CNTN5: variants seen among roughly 807,000 people sequenced by gnomAD.
The protein encoded by CNTN5 is contactin 5.
CNTN5 carries 77 observed loss-of-function variants against 129.1 expected under a neutral mutation model. The observed-to-expected ratio is 0.60, with a 90% confidence interval of 0.50 to 0.72. The LOEUF is 0.72. Among genes scored for constraint, CNTN5 ranks in the 30% least tolerant of loss-of-function variants. The pLI, the probability that CNTN5 is intolerant of heterozygous loss-of-function variation, is 0.00. For synonymous variants in CNTN5, 509 were observed against 465.6 expected (o/e 1.09, Z -1.20); for missense variants, 1,478 against 1,328.8 (o/e 1.11, Z -1.75).
At chr11:100,236,473 G>T (rs954028385) in intron 16 of CNTN5, among the ~76,000 whole-genome samples, 3 of 152,090 alleles carry the variant, frequency 2.0e-5, no homozygotes, top group Non-Finnish European at 4.4e-5. Context: ...TTTTTACATT[G>T]GGGGCATATA....
chr11:99,077,887 G>C (rs1328199013), intron 1 of CNTN5, among the ~76,000 whole-genome samples: 3 of 152,104 alleles, frequency 2.0e-5, no homozygotes, highest in South Asian at 4.1e-4. Flanking sequence ...AGAACTGTGA[G>C]TCAATTGAAC....
chr11:99,916,054 ATC>A lies in CNTN5; in HGVS notation c.580_581del (p.Leu194GlyfsTer4). ...TCTAAATGTTTTATTATGTTGACAG[ATC>A]TGGGAAATTTTAGTGGCCGGACAAG... On this transcript the variant is annotated frameshift_variant and splice_region_variant, in exon 7 of 25. Coordinates refer to ENST00000524871, the MANE Select transcript of CNTN5 (RefSeq NM_014361.4). LOFTEE classifies it high-confidence loss of function. The A allele has an allele frequency of 6.2e-7, 1 of 1,610,598 alleles. No individual in the cohort carries two copies. The highest frequency in any genetic ancestry group is 1.1e-5 in the South Asian group (1 of 90,516).
chr11:100,208,409 G>C (rs1948958775), intron 15 of CNTN5, among the ~76,000 whole-genome samples: 1 of 152,082 alleles, frequency 6.6e-6, no homozygotes, highest in Non-Finnish European at 1.5e-5. Flanking sequence ...GAGGAAGTGA[G>C]CCACATGTTT....
chr11:99,069,830 C>G (rs924814223), intron 1 of CNTN5, among the ~76,000 whole-genome samples: 22 of 152,178 alleles, frequency 1.4e-4, no homozygotes, highest in Non-Finnish European at 2.8e-4. Flanking sequence ...GCATCCTTGG[C>G]TTTCTGCAAA....
At chr11:99,975,979 T>TA (rs534753647) in intron 8 of CNTN5, among the ~76,000 whole-genome samples, 19 of 152,058 alleles carry the variant, frequency 1.2e-4, no homozygotes, top group African/African-American at 3.9e-4. Context: ...GCCCGTGAAA[T>TA]AAAAAAACAA....
intron 2 of CNTN5, among the ~76,000 whole-genome samples, chr11:99,333,640 C>A (rs1487943230): frequency 1.3e-5 from 2 of 151,878 alleles, no homozygotes; most frequent in Non-Finnish European, 2.9e-5. Context: ...TATTTCAAAT[C>A]TCTGAGATTT....
In CNTN5 at chr11:99,903,239, T is replaced by A. The variant is rs565969639; in HGVS notation, c.578-12815T>A. ...GCAGAGCAAAACACTCAAGCACACA[T>A]ATGCGAACAGCATAAGAATTCCTGT... On this transcript the variant is annotated intron_variant, in intron 6 of 24. Transcript: ENST00000524871. 3.3e-5 allele frequency among the ~76,000 whole-genome samples: 5 copies of A among 151,924 alleles called. No individual in the cohort carries two copies. In the South Asian group the frequency reaches 1.0e-3, roughly 32 times the overall value.
At chr11:99,482,052 C>G (rs1591136959) in intron 2 of CNTN5, among the ~76,000 whole-genome samples, 1 of 152,084 alleles carries the variant, frequency 6.6e-6, no homozygotes, top group South Asian at 2.1e-4. Flanking sequence ...TCTGAAATTC[C>G]CAGTGATTGC....
Position 100,169,412 on chromosome 11 carries a change from T to C in CNTN5, c.1581-21714T>C, listed in dbSNP as rs184205686. Among the ~76,000 whole-genome samples, 100 of 152,074 alleles carry C rather than the reference T, an allele frequency of 6.6e-4. 1 individual carries two copies. The highest frequency in any genetic ancestry group is 2.6e-4 in the Non-Finnish European group (18 of 67,942). On this transcript the variant is annotated intron_variant, in intron 13 of 24. Coordinates refer to ENST00000524871, the MANE Select transcript of CNTN5 (RefSeq NM_014361.4). ...CAAGCCATTTAATATTTCTGAATAA[T>C]CTGAGTATTTGCCACTAGTCAGTTA...
chr11:99,856,268 C>A (rs1948031000), intron 6 of CNTN5, among the ~76,000 whole-genome samples: 1 of 152,194 alleles, frequency 6.6e-6, no homozygotes, highest in Non-Finnish European at 1.5e-5. Flanking sequence ...CTGCTTTTTA[C>A]AGAGCTTTTT....
chr11:100,213,289 G>A (rs1949070796), intron 15 of CNTN5, among the ~76,000 whole-genome samples: 2 of 152,114 alleles, frequency 1.3e-5, no homozygotes, highest in Non-Finnish European at 2.9e-5. Flanking sequence ...AACTTTGAAA[G>A]TCTTTTAAAT....
At chr11:99,155,720 C>A (rs1256143260) in intron 1 of CNTN5, among the ~76,000 whole-genome samples, 1 of 151,176 alleles carries the variant, frequency 6.6e-6, no homozygotes. Context: ...AGACTACTTG[C>A]CCTACAAAGT....
At chr11:99,663,796 A>G (rs1002445150) in intron 3 of CNTN5, among the ~76,000 whole-genome samples, 4 of 152,148 alleles carry the variant, frequency 2.6e-5, no homozygotes, top group African/African-American at 9.7e-5. Context: ...TGGGCATGCA[A>G]AAGTGTGAGT....
intron 1 of CNTN5, among the ~76,000 whole-genome samples, chr11:99,146,862 C>T (rs925627560): frequency 9.9e-5 from 15 of 152,160 alleles, no homozygotes; most frequent in African/African-American, 3.1e-4. Flanking sequence ...GCTGAGACTA[C>T]AGGCACGTGC....
chr11:99,629,602 A>C (rs590634), intron 3 of CNTN5, among the ~76,000 whole-genome samples: 92,659 of 149,502 alleles, frequency 0.62, 29,205 homozygotes, highest in Admixed American at 0.75. Context: ...TATTAAAAAT[A>C]AAAATTATTA....
At chr11:99,181,053 G>A (rs1160054905) in intron 1 of CNTN5, among the ~76,000 whole-genome samples, 1 of 152,188 alleles carries the variant, frequency 6.6e-6, no homozygotes, top group Non-Finnish European at 1.5e-5. Flanking sequence ...TTAATTTGTT[G>A]CTGAAGCAGG....
chr11:99,082,228 C>T (rs1002679340), intron 1 of CNTN5, among the ~76,000 whole-genome samples: 1 of 146,244 alleles, frequency 6.8e-6, no homozygotes, highest in Non-Finnish European at 1.5e-5. Context: ...GCCCTGTCGT[C>T]AGGCTGCAGT....
chr11:100,148,639 T>C (rs2138293981), intron 13 of CNTN5, among the ~76,000 whole-genome samples: 1 of 152,300 alleles, frequency 6.6e-6, no homozygotes, highest in East Asian at 1.9e-4. Context: ...ATGTGCCTTC[T>C]GTGAGATGCA....
intron 1 of CNTN5, among the ~76,000 whole-genome samples, chr11:99,219,170 G>A (rs1860275279): frequency 6.6e-6 from 1 of 151,744 alleles, no homozygotes; most frequent in African/African-American, 2.4e-5. Flanking sequence ...AGGCATTTGG[G>A]ATACAATAAT....
Sources: allele counts gnomAD v4.1 joint callset (sites outside exome capture counted in the v4.1 genomes callset), GRCh38; gene constraint gnomAD v4.1.1; transcripts MANE v1.5; gene names NCBI Gene and HGNC (gene_info 2026-07-23, HGNC 2026-07-21).